MYRIP: variants seen among roughly 807,000 people sequenced by gnomAD.
The protein encoded by MYRIP is rab effector MyRIP.
Under a neutral mutation model 98.0 loss-of-function variants are expected in MYRIP, and 49 were observed. The observed-to-expected ratio is 0.50, with a 90% CI of 0.40 to 0.63. The LOEUF is 0.63. MYRIP is among the 30% of genes least tolerant of loss of function. MYRIP has a pLI of 0.00. For missense variants in MYRIP, 1,004 were observed against 1,058.2 expected (o/e 0.95, Z 0.71); for synonymous variants, 404 against 409.5 (o/e 0.99, Z 0.16).
chr3:40,055,582 A>G (rs1947868790), intron 3 of MYRIP, among the ~76,000 whole-genome samples: 1 of 152,188 alleles, frequency 6.6e-6, no homozygotes, highest in Non-Finnish European at 1.5e-5. Flanking sequence ...TTCTGGAGGA[A>G]GAATATGCCC....
Position 40,244,610 on chromosome 3 carries a change from G to A in MYRIP, c.2262+3G>A, listed in dbSNP as rs771013265. ...AAGTCCACCATGCTGAACTCCAGGT[G>A]AGAACTCTCCTCTCTGCCCACATGG... On this transcript the variant is annotated splice_donor_region_variant and intron_variant, in intron 13 of 16. Coordinates refer to ENST00000302541, the MANE Select transcript of MYRIP (RefSeq NM_015460.4). 1 of 1,609,984 alleles carries A rather than the reference G, an allele frequency of 6.2e-7. No individual in the cohort carries two copies. The highest frequency in any genetic ancestry group is 1.1e-5 in the South Asian group (1 of 90,422).
chr3:39,928,517 G>C (rs1032116772), intron 2 of MYRIP, among the ~76,000 whole-genome samples: 1 of 151,712 alleles, frequency 6.6e-6, no homozygotes, highest in Non-Finnish European at 1.5e-5. Context: ...ATGCAAAGCT[G>C]GTTCAGTTTT....
intron 2 of MYRIP, among the ~76,000 whole-genome samples, chr3:39,955,234 C>T (rs1945125915): frequency 6.6e-6 from 1 of 152,020 alleles, no homozygotes; most frequent in African/African-American, 2.4e-5. Flanking sequence ...GTCAGATTCA[C>T]CAAACTTGAA....
At chr3:39,961,485 C>T (rs374387428) in intron 2 of MYRIP, among the ~76,000 whole-genome samples, 7 of 152,094 alleles carry the variant, frequency 4.6e-5, no homozygotes, top group East Asian at 3.9e-4. Flanking sequence ...GCAGTTCCCA[C>T]GATTTGCGAG....
chr3:39,832,063 C>T (rs78540543), intron 1 of MYRIP, among the ~76,000 whole-genome samples: 2,442 of 152,288 alleles, frequency 0.016, 58 homozygotes, highest in African/African-American at 0.055. Context: ...AGCACATCTG[C>T]GAGGAATCTC....
chr3:39,959,256 A>G (rs1395045194), intron 2 of MYRIP, among the ~76,000 whole-genome samples: 1 of 152,226 alleles, frequency 6.6e-6, no homozygotes, highest in Non-Finnish European at 1.5e-5. Flanking sequence ...CACAATAGCA[A>G]AGACTTGGAA....
intron 3 of MYRIP, among the ~76,000 whole-genome samples, chr3:40,063,031 G>A (rs1466016108): frequency 6.6e-6 from 1 of 152,220 alleles, no homozygotes; most frequent in Non-Finnish European, 1.5e-5. Flanking sequence ...AGATGTTGGT[G>A]TGAAGCTTAT....
intron 12 of MYRIP, among the ~76,000 whole-genome samples, chr3:40,235,939 G>A (rs1559469719): frequency 6.6e-6 from 1 of 152,226 alleles, no homozygotes; most frequent in African/African-American, 2.4e-5. Flanking sequence ...CAAAATCAAT[G>A]TACTGGAGGG....
intron 3 of MYRIP, among the ~76,000 whole-genome samples, chr3:40,112,346 G>A (rs144188442): frequency 4.6e-4 from 70 of 152,256 alleles, no homozygotes; most frequent in South Asian, 4.6e-3. Flanking sequence ...AAGCACACAC[G>A]TTGGCCCTAA....
At chr3:40,095,702 ACACT>A (rs1948814039) in intron 3 of MYRIP, among the ~76,000 whole-genome samples, 1 of 152,008 alleles carries the variant, frequency 6.6e-6, no homozygotes. Flanking sequence ...ACACATCTGC[ACACT>A]CACTAACACT....
intron 1 of MYRIP, among the ~76,000 whole-genome samples, chr3:39,830,038 C>G (rs140753413): frequency 6.6e-6 from 1 of 152,160 alleles, no homozygotes; most frequent in African/African-American, 2.4e-5. Flanking sequence ...CTTATGTTCT[C>G]TGACAACCAA....
intron 3 of MYRIP, among the ~76,000 whole-genome samples, chr3:40,082,602 T>C (rs910665840): frequency 6.6e-6 from 1 of 152,228 alleles, no homozygotes; most frequent in African/African-American, 2.4e-5. Flanking sequence ...CTGTGATCAT[T>C]AGGCATAGAA....
chr3:40,207,986 C>T (rs1410971021), intron 10 of MYRIP, among the ~76,000 whole-genome samples: 1 of 152,118 alleles, frequency 6.6e-6, no homozygotes, highest in Non-Finnish European at 1.5e-5. Context: ...GCAGTGAAAG[C>T]TAAAAGCAGA....
chr3:39,831,833 C>T (rs576475647), intron 1 of MYRIP, among the ~76,000 whole-genome samples: 2 of 152,316 alleles, frequency 1.3e-5, no homozygotes, highest in Non-Finnish European at 2.9e-5. Context: ...CCACCTATGG[C>T]TGGTGGCTCT....
At chr3:40,119,960 A>C (rs552243139) in intron 3 of MYRIP, among the ~76,000 whole-genome samples, 1 of 152,194 alleles carries the variant, frequency 6.6e-6, no homozygotes, top group East Asian at 1.9e-4. Flanking sequence ...ACTAATACAC[A>C]AAAAGAGAGG....
chr3:40,058,548 G>A (rs2125845723), intron 3 of MYRIP, among the ~76,000 whole-genome samples: 1 of 152,150 alleles, frequency 6.6e-6, no homozygotes, highest in East Asian at 1.9e-4. Flanking sequence ...TTAAAAGTTT[G>A]CTATGCAATT....
intron 2 of MYRIP, among the ~76,000 whole-genome samples, chr3:40,015,315 C>T (rs1946838109): frequency 6.6e-6 from 1 of 152,126 alleles, no homozygotes; most frequent in African/African-American, 2.4e-5. Context: ...TGTTGCAGGC[C>T]CCTGTCCTCC....
chr3:40,002,808 A>G (rs1050887594), intron 2 of MYRIP, among the ~76,000 whole-genome samples: 2 of 152,126 alleles, frequency 1.3e-5, no homozygotes, highest in Non-Finnish European at 2.9e-5. Flanking sequence ...AGGTATTGCT[A>G]TATCTATAGT....
chr3:40,187,371 A>G (rs995738866), intron 9 of MYRIP, among the ~76,000 whole-genome samples: 13 of 152,174 alleles, frequency 8.5e-5, no homozygotes, highest in Non-Finnish European at 1.3e-4. Context: ...GCTTTAATCC[A>G]AAGCTCTTGT....
Sources: gnomAD v4.1 joint callset for allele counts (sites outside exome capture counted in the v4.1 genomes callset) on GRCh38, gnomAD v4.1.1 for gene constraint, MANE v1.5 for transcripts, NCBI Gene and HGNC (gene_info 2026-07-23, HGNC 2026-07-21) for gene names.